Variants in STYK1 observed in about 807,000 individuals in gnomAD.
STYK1 encodes tyrosine-protein kinase STYK1.
Under a neutral mutation model 48.1 loss-of-function variants are expected in STYK1, and 46 were observed. That is an observed-to-expected ratio of 0.96 (90% CI 0.75 to 1.22). The LOEUF is 1.22. Among genes scored for constraint, STYK1 ranks in the 50% most tolerant of loss-of-function variants. The pLI is 0.00. For synonymous variants in STYK1, 188 were observed against 189.0 expected, an observed-to-expected ratio of 0.99 and a Z score of 0.04; for missense variants, 527 against 521.1, an observed-to-expected ratio of 1.01 and a Z score of -0.11.
At chr12:10,655,348 A>T (rs371271430) in intron 1 of STYK1, among the ~76,000 whole-genome samples, 27 of 152,292 alleles carry the variant, frequency 1.8e-4, no homozygotes, top group African/African-American at 6.3e-4. Flanking sequence ...GTTTATGACA[A>T]AGTTAGCTCT....
chr12:10,646,447 G>T (rs968635015), intron 1 of STYK1, among the ~76,000 whole-genome samples: 1 of 152,184 alleles, frequency 6.6e-6, no homozygotes, highest in African/African-American at 2.4e-5. Context: ...AGATGATTTA[G>T]GGTATCTGAC....
At chr12:10,624,533 T>G (rs1418072443) in intron 8 of STYK1, 118 bp downstream of exon 8, 1 of 872,124 alleles carries the variant, frequency 1.1e-6, no homozygotes, top group Admixed American at 2.1e-5. Flanking sequence ...TGAGAGTATG[T>G]CTGATTTCTA....
intron 1 of STYK1, among the ~76,000 whole-genome samples, chr12:10,645,064 T>C (rs1947584899): frequency 6.6e-6 from 1 of 152,000 alleles, no homozygotes; most frequent in South Asian, 2.1e-4. Flanking sequence ...AAAGAGGGCC[T>C]AAGAAGGAAA....
chr12:10,645,983 AT>A (rs1947594622), intron 1 of STYK1, among the ~76,000 whole-genome samples: 1 of 152,176 alleles, frequency 6.6e-6, no homozygotes, highest in African/African-American at 2.4e-5. Context: ...GCCTTCCACC[AT>A]GATTGGGAGG....
chr12:10,622,097 C>A, intron 9 of STYK1, 125 bp from the exon 10 acceptor site: 1 of 731,336 alleles, frequency 1.4e-6, no homozygotes, highest in South Asian at 1.8e-5. Flanking sequence ...ATACTACATA[C>A]AATTCAGTTG....
intron 1 of STYK1, among the ~76,000 whole-genome samples, chr12:10,667,856 C>T (rs1947848921): frequency 6.6e-6 from 1 of 152,064 alleles, no homozygotes; most frequent in Non-Finnish European, 1.5e-5. Context: ...GTAGTATTCA[C>T]AATATGATAG....
chr12:10,646,925 G>T (rs940019350), intron 1 of STYK1, among the ~76,000 whole-genome samples: 3 of 152,190 alleles, frequency 2.0e-5, no homozygotes, highest in African/African-American at 7.2e-5. Flanking sequence ...TGAGCCTGTG[G>T]GTACACAGAA....
chr12:10,643,061 T>C (rs1947562374), intron 1 of STYK1, among the ~76,000 whole-genome samples: 1 of 152,074 alleles, frequency 6.6e-6, no homozygotes, highest in South Asian at 2.1e-4. Flanking sequence ...TCTTACATAC[T>C]CTCCAATTTG....
rs1406597687 is a variant in STYK1, at chr12:10,672,859, A to G, written c.-195+1107T>C. ...CAAATACTTCATGATGTCTCATTGAAAGACCTAGCTGCCCCCTAGCTAGCT... is the reference window on the plus strand; with the variant it reads ...CAAATACTTCATGATGTCTCATTGAGAGACCTAGCTGCCCCCTAGCTAGCT... On this transcript the variant is annotated intron_variant, in intron 1 of 10. Coordinates refer to ENST00000075503, the MANE Select transcript of STYK1 (RefSeq NM_018423.3). The surrounding 1 kb of genome is among the most constrained non-coding windows in gnomAD (Gnocchi z 4.0). Among the ~76,000 whole-genome samples the G allele has an allele frequency of 6.6e-6, 1 of 152,222 alleles. No homozygotes were observed. Among genetic ancestry groups the G allele is most frequent in the Non-Finnish European group, 1.5e-5 (1 of 68,040 alleles).
intron 1 of STYK1, among the ~76,000 whole-genome samples, chr12:10,663,598 C>CAAAAAA (rs34019110): frequency 5.0e-4 from 26 of 51,486 alleles, no homozygotes; most frequent in African/African-American, 6.8e-4. Flanking sequence ...GACTCTGTCT[C>CAAAAAA]AAAAAAAAAA....
chr12:10,663,666 T>G (rs1181952978), intron 1 of STYK1, among the ~76,000 whole-genome samples: 1 of 150,046 alleles, frequency 6.7e-6, no homozygotes, highest in Non-Finnish European at 1.5e-5. Flanking sequence ...CCAACTTTGT[T>G]CTTTTTCAAG....
chr12:10,628,616 T>C (rs941918396), intron 6 of STYK1, among the ~76,000 whole-genome samples: 7 of 152,134 alleles, frequency 4.6e-5, no homozygotes, highest in African/African-American at 1.7e-4. Flanking sequence ...ATAATCAGCA[T>C]ATGAAGGAGG....
intron 1 of STYK1, among the ~76,000 whole-genome samples, chr12:10,638,447 A>G (rs952571870): frequency 2.0e-5 from 3 of 152,350 alleles, no homozygotes; most frequent in South Asian, 2.1e-4. Flanking sequence ...AGTAAAGTCC[A>G]TGCTAAATCT....
At position 10,650,348 on chromosome 12, in the gene STYK1, T is replaced by TATAC. The variant is rs137986348; in HGVS notation, c.-194-13156_-194-13153dup. 1.8e-4 allele frequency among the ~76,000 whole-genome samples: 28 copies of TATAC among 152,334 alleles called. 1 individual carries two copies. The East Asian group carries it at 5.2e-3, about 28-fold the overall frequency. ...CTATTGAAGCCTTGGTTTACTAACC[T>TATAC]ATACAGCTGAGATAATTCTGCCTGC... On this transcript the variant is annotated intron_variant, in intron 1 of 10. Transcript: ENST00000075503.
At chr12:10,639,330 A>T (rs1292256341) in intron 1 of STYK1, among the ~76,000 whole-genome samples, 1 of 152,118 alleles carries the variant, frequency 6.6e-6, no homozygotes, top group Non-Finnish European at 1.5e-5. Context: ...TGTGCCAGGT[A>T]TTGTGCTAGG....
chr12:10,650,119 CAAAAAAA>C (rs71051518), intron 1 of STYK1, among the ~76,000 whole-genome samples: 6 of 51,312 alleles, frequency 1.2e-4, no homozygotes, highest in South Asian at 1.5e-3. Context: ...GACTCTGTCT[CAAAAAAA>C]AAAAAAAAAA....
At chr12:10,638,310 T>A (rs935573053) in intron 1 of STYK1, among the ~76,000 whole-genome samples, 1 of 152,224 alleles carries the variant, frequency 6.6e-6, no homozygotes, top group African/African-American at 2.4e-5. Flanking sequence ...TTAATTTCTC[T>A]TATCAGTTGC....
At chr12:10,654,400 CT>C (rs1446320257) in intron 1 of STYK1, among the ~76,000 whole-genome samples, 1 of 152,116 alleles carries the variant, frequency 6.6e-6, no homozygotes, top group African/African-American at 2.4e-5. Flanking sequence ...TGAATTATTT[CT>C]TTAGCAATAT....
intron 7 of STYK1, among the ~76,000 whole-genome samples, chr12:10,625,223 T>C (rs2120607032): frequency 6.6e-6 from 1 of 152,094 alleles, no homozygotes; most frequent in Non-Finnish European, 1.5e-5. Context: ...TGTTTGTTTG[T>C]TTGTTTGTTT....
Sources: gnomAD v4.1 joint callset for allele counts (sites outside exome capture counted in the v4.1 genomes callset) on GRCh38, gnomAD v4.1.1 for gene constraint, Gnocchi (gnomAD v3.1) non-coding constraint, MANE v1.5 for transcripts, NCBI Gene and HGNC (gene_info 2026-07-23, HGNC 2026-07-21) for gene names.